Variants in MINAR2 observed in about 807,000 individuals in gnomAD.
The protein encoded by MINAR2 is major intrinsically disordered NOTCH2-binding receptor 1-like.
MINAR2 carries 21 observed loss-of-function variants against 16.1 expected under a neutral mutation model. That is an observed-to-expected ratio of 1.31 (90% confidence interval 0.93 to 1.88). The LOEUF is 1.88. Among genes scored for constraint, MINAR2 ranks in the 40% most tolerant of loss-of-function variants. MINAR2 has a pLI of 0.00. For missense variants in MINAR2, 259 were observed against 229.8 expected (o/e 1.13, Z -0.82); for synonymous variants, 86 against 83.0 (o/e 1.04, Z -0.20).
chr5:129,752,320 C>A (rs192609746), intron 1 of MINAR2, among the ~76,000 whole-genome samples: 68 of 152,252 alleles, frequency 4.5e-4, no homozygotes, highest in Non-Finnish European at 7.3e-5. Context: ...TTGGAACCAA[C>A]CCAAATGTCC....
At chr5:129,755,585 G>A (rs753903186) in intron 1 of MINAR2, among the ~76,000 whole-genome samples, 2 of 151,716 alleles carry the variant, frequency 1.3e-5, no homozygotes, top group African/African-American at 2.4e-5. Flanking sequence ...GAAATTGTCC[G>A]ACTGCACATA....
At position 129,748,224 on chromosome 5, in the gene MINAR2, C is replaced by T. The variant is rs1337083144; in HGVS notation, c.34C>T (p.Pro12Ser). Residue 12 changes from proline (P) to serine (S), a missense_variant, in exon 1 of 3, where the codon CCT (proline) becomes TCT (serine). Coordinates refer to ENST00000564719, the MANE Select transcript of MINAR2 (RefSeq NM_001257308.2). ...CTCTGTTTTGCCAAATAACAACCAT[C>T]CTGACAAATTCCTGCAGCTTGACGT... Reference protein sequence around the residue: ...DLSVLPNNNHPDKFLQLDVKS... With the variant: ...DLSVLPNNNHSDKFLQLDVKS... 1 of 1,535,064 alleles carries T rather than the reference C, an allele frequency of 6.5e-7. No individual in the cohort carries two copies. Among genetic ancestry groups the T allele is most frequent in the East Asian group, 2.4e-5 (1 of 40,912 alleles).
At chr5:129,760,251 C>T in intron 1 of MINAR2, 127 bp from the exon 2 acceptor site, 1 of 692,152 alleles carries the variant, frequency 1.4e-6, no homozygotes, top group Non-Finnish European at 2.4e-6. Flanking sequence ...ATCCTTTTCT[C>T]ATTCATTGTC....
In MINAR2 at chr5:129,766,662, AAACAAAC is replaced by A. The variant is rs1185619187; in HGVS notation, c.*1602_*1608del. On this transcript the variant is annotated 3_prime_UTR_variant, in exon 3 of 3. Coordinates refer to ENST00000564719, the MANE Select transcript of MINAR2 (RefSeq NM_001257308.2). ...AAAAAAAAAAAAAAAAAAAACAAAC[AAACAAAC>A]AAAAAAAACCCCAAAAAAAGAGACA... 2.6e-3 allele frequency: 373 copies of A among 145,720 alleles called. 5 individuals are homozygous for A. Among genetic ancestry groups the A allele is most frequent in the African/African-American group, 9.3e-3 (355 of 38,014 alleles). The allele number at this position is 145,720 out of a possible 1,614,324, so 9.0% of individuals were successfully genotyped here. A position where few individuals can be genotyped will look rare whatever the true frequency, so the allele number is the denominator to read the frequency against.
chr5:129,749,690 A>G (rs944256525), intron 1 of MINAR2, among the ~76,000 whole-genome samples: 1 of 152,180 alleles, frequency 6.6e-6, no homozygotes, highest in Non-Finnish European at 1.5e-5. Context: ...CTTCTATGCT[A>G]TGCAGTTTAG....
intron 1 of MINAR2, among the ~76,000 whole-genome samples, chr5:129,759,379 T>C (rs1282825574): frequency 6.6e-6 from 1 of 152,158 alleles, no homozygotes; most frequent in East Asian, 1.9e-4. Flanking sequence ...AACATGACTC[T>C]ATAAGCTTTT....
intron 1 of MINAR2, among the ~76,000 whole-genome samples, chr5:129,754,213 C>T (rs1051334975): frequency 1.3e-5 from 2 of 152,178 alleles, no homozygotes; most frequent in African/African-American, 4.8e-5. Flanking sequence ...AAGCCTGAAT[C>T]ACACCATGGA....
At chr5:129,750,407 T>C (rs376555021) in intron 1 of MINAR2, among the ~76,000 whole-genome samples, 7 of 152,138 alleles carry the variant, frequency 4.6e-5, no homozygotes, top group Admixed American at 2.0e-4. Flanking sequence ...TCACACTCCA[T>C]TGGGGAGTCA....
chr5:129,749,028 G>C (rs572321319), intron 1 of MINAR2, among the ~76,000 whole-genome samples: 1 of 152,172 alleles, frequency 6.6e-6, no homozygotes, highest in African/African-American at 2.4e-5. Context: ...TCTTTTTGCT[G>C]ACCAAAAGAG....
intron 1 of MINAR2, among the ~76,000 whole-genome samples, chr5:129,754,833 T>C (rs1391660300): frequency 2.0e-5 from 3 of 152,200 alleles, no homozygotes; most frequent in Non-Finnish European, 4.4e-5. Context: ...CTATTTCTTT[T>C]ATTTACTTAT....
intron 1 of MINAR2, among the ~76,000 whole-genome samples, chr5:129,754,876 C>T (rs1234895740): frequency 6.6e-6 from 1 of 151,864 alleles, no homozygotes; most frequent in Non-Finnish European, 1.5e-5. Flanking sequence ...TTTGAGCTTC[C>T]ACTGCAAAAT....
Position 129,748,231 on chromosome 5 carries a change from A to G in MINAR2, c.41A>G (p.Lys14Arg). ...SVLPNNNHPDKFLQLDVKSLT... is the reference protein window; with the variant it reads ...SVLPNNNHPDRFLQLDVKSLT... ...TTGCCAAATAACAACCATCCTGACA[A>G]ATTCCTGCAGCTTGACGTAAAGTCT... The change falls in exon 1 of 3, where the codon AAA becomes AGA. Residue 14 changes from lysine to arginine, a missense_variant. Lys to Arg is a conservative substitution (Grantham distance 26, BLOSUM62 2). Coordinates refer to ENST00000564719, the MANE Select transcript of MINAR2 (RefSeq NM_001257308.2). 1 of 1,535,188 alleles carries G rather than the reference A, an allele frequency of 6.5e-7. No individual in the cohort carries two copies. The highest frequency in any genetic ancestry group is 1.2e-5 in the South Asian group (1 of 84,042).
At position 129,766,307 on chromosome 5, in the gene MINAR2, G is replaced by A. The variant is rs1041926438; in HGVS notation, c.*1244G>A. 6.6e-6 allele frequency: 1 copy of A among 152,166 alleles called. No homozygotes were observed. The highest frequency in any genetic ancestry group is 2.4e-5 in the African/African-American group (1 of 41,428). The allele number at this position is 152,166 out of a possible 1,614,324, so 9.4% of individuals were successfully genotyped here. ...CTTGATATTGCCATATCATTTTGTT[G>A]TATTTGTCTTAAAGATGCTTGAAAT... is the stretch of plus-strand genomic sequence containing the variant. On this transcript the variant is annotated 3_prime_UTR_variant, in exon 3 of 3. Transcript: ENST00000564719.
At chr5:129,751,241 C>G (rs1381527677) in intron 1 of MINAR2, among the ~76,000 whole-genome samples, 22 of 152,038 alleles carry the variant, frequency 1.4e-4, no homozygotes, top group Non-Finnish European at 3.2e-4. Context: ...CATAGTCTCA[C>G]TCTGTCACCC....
chr5:129,761,967 G>C (rs1758141522), intron 2 of MINAR2, among the ~76,000 whole-genome samples: 1 of 151,956 alleles, frequency 6.6e-6, no homozygotes, highest in Non-Finnish European at 1.5e-5. Flanking sequence ...TGAACAATGA[G>C]AACACATGGA....
At chr5:129,753,911 G>A (rs1388270378) in intron 1 of MINAR2, among the ~76,000 whole-genome samples, 1 of 152,166 alleles carries the variant, frequency 6.6e-6, no homozygotes. Context: ...TATATTGGAT[G>A]ACAATGTGGT....
intron 2 of MINAR2, chr5:129,762,553 G>T: frequency 3.1e-6 from 1 of 323,748 alleles, no homozygotes. Flanking sequence ...TGATTTTCAG[G>T]TTTTCTGCTC....
At chr5:129,761,381 G>A (rs890653567) in intron 2 of MINAR2, among the ~76,000 whole-genome samples, 1 of 151,992 alleles carries the variant, frequency 6.6e-6, no homozygotes, top group Non-Finnish European at 1.5e-5. Context: ...ATTTAAAAAT[G>A]TTTATCTAAG....
rs1409248218 is a variant in MINAR2, at chr5:129,748,257, T to G, written c.67T>G (p.Leu23Val). 1 of 1,535,298 alleles carries G rather than the reference T, an allele frequency of 6.5e-7. No individual in the cohort carries two copies. The highest frequency in any genetic ancestry group is 2.4e-5 in the East Asian group (1 of 40,914). ...DKFLQLDVKS[L>V]TRSSALLQAS... ...ATTCCTGCAGCTTGACGTAAAGTCT[T>G]TAACGAGGAGCTCAGCCCTCCTTCA... is the stretch of plus-strand genomic sequence containing the variant. The change falls in exon 1 of 3, where the codon TTA (leucine) becomes GTA (valine). Residue 23 changes from leucine (L) to valine (V), a missense_variant. By Grantham distance (32) the Leu-to-Val change is conservative. Transcript: ENST00000564719.
Sources: allele counts gnomAD v4.1 joint callset (sites outside exome capture counted in the v4.1 genomes callset), GRCh38; gene constraint gnomAD v4.1.1; transcripts MANE v1.5; gene names NCBI Gene and HGNC (gene_info 2026-07-23, HGNC 2026-07-21).